Variants in ATG7 observed in about 807,000 individuals in gnomAD.
The protein encoded by ATG7 is autophagy related 7.
ATG7 carries 70 observed loss-of-function variants against 82.4 expected under a neutral mutation model. That is an observed-to-expected ratio of 0.85 (90% CI 0.70 to 1.04). ATG7 has a LOEUF of 1.04. ATG7 is among the 50% of genes least tolerant of loss of function. The pLI is 0.00. For synonymous variants in ATG7, 287 were observed against 313.0 expected, an observed-to-expected ratio of 0.92 and a Z score of 0.88; for missense variants, 792 against 864.3, an observed-to-expected ratio of 0.92 and a Z score of 1.05.
intron 3 of ATG7, among the ~76,000 whole-genome samples, chr3:11,289,027 C>T (rs1944537208): frequency 1.3e-5 from 2 of 152,190 alleles, no homozygotes; most frequent in Non-Finnish European, 2.9e-5. Flanking sequence ...TCTTGTGTAA[C>T]TCAGGATGTT....
At chr3:11,389,081 C>G (rs186559795) in intron 19 of ATG7, among the ~76,000 whole-genome samples, 31 of 151,888 alleles carry the variant, frequency 2.0e-4, no homozygotes, top group African/African-American at 6.3e-4. Context: ...AACCCTGTCT[C>G]TACTAAAAAT....
intron 20 of ATG7, among the ~76,000 whole-genome samples, chr3:11,456,604 A>G (rs1018904459): frequency 2.6e-5 from 4 of 152,294 alleles, no homozygotes; most frequent in Non-Finnish European, 4.4e-5. Flanking sequence ...TAACACTAAT[A>G]CACCTTGCCT....
At chr3:11,566,648 G>C in the ATG7 span, among the ~76,000 whole-genome samples, 697 of 152,256 alleles carry the variant, frequency 4.6e-3, 9 homozygotes, top group African/African-American at 0.016. Context: ...CTCTGCCTCT[G>C]TGGCTGTGTA....
chr3:11,273,888 A>G (rs1941082581), intron 1 of ATG7, among the ~76,000 whole-genome samples: 1 of 152,164 alleles, frequency 6.6e-6, no homozygotes, highest in African/African-American at 2.4e-5. Flanking sequence ...CTAGCTAGTC[A>G]GGGATGGCTT....
chr3:11,453,471 G>T (rs1426388902), intron 20 of ATG7, among the ~76,000 whole-genome samples: 1 of 152,200 alleles, frequency 6.6e-6, no homozygotes, highest in Non-Finnish European at 1.5e-5. Context: ...AGGATGTAAC[G>T]AGTGAGAGAG....
At chr3:11,473,984 C>T (rs1361084143) in intron 20 of ATG7, among the ~76,000 whole-genome samples, 1 of 152,306 alleles carries the variant, frequency 6.6e-6, no homozygotes, top group East Asian at 1.9e-4. Flanking sequence ...ACCAACTCTT[C>T]ATTATACATC....
intron 20 of ATG7, among the ~76,000 whole-genome samples, chr3:11,550,566 T>C (rs1220506383): frequency 6.6e-6 from 1 of 152,112 alleles, no homozygotes; most frequent in Non-Finnish European, 1.5e-5. Flanking sequence ...TGGCTCATTT[T>C]TAAAAAATTA....
intron 20 of ATG7, among the ~76,000 whole-genome samples, chr3:11,442,890 C>T (rs2084138191): frequency 6.6e-6 from 1 of 152,012 alleles, no homozygotes; most frequent in Non-Finnish European, 1.5e-5. Flanking sequence ...CACTTCACTC[C>T]AGCCTGGGCC....
chr3:11,320,031 C>T (rs141875569), intron 9 of ATG7, among the ~76,000 whole-genome samples: 5 of 152,316 alleles, frequency 3.3e-5, no homozygotes, highest in East Asian at 1.9e-4. Context: ...TTCTTTAATA[C>T]GGCCTACAAG....
intron 19 of ATG7, among the ~76,000 whole-genome samples, chr3:11,413,088 A>G (rs993894780): frequency 6.6e-6 from 1 of 152,100 alleles, no homozygotes; most frequent in Non-Finnish European, 1.5e-5. Context: ...GGTTTTGTAC[A>G]TGTAAAATCA....
intron 20 of ATG7, among the ~76,000 whole-genome samples, chr3:11,547,148 T>C (rs2071367964): frequency 6.6e-6 from 1 of 152,130 alleles, no homozygotes; most frequent in Admixed American, 6.5e-5. Context: ...TCCTTAATCG[T>C]CTTTAGAGGG....
intron 20 of ATG7, among the ~76,000 whole-genome samples, chr3:11,554,195 C>T (rs533733081): frequency 5.9e-5 from 9 of 152,334 alleles, no homozygotes; most frequent in South Asian, 2.1e-4. Context: ...GGCTCAGACT[C>T]GGAGGACACG....
At chr3:11,410,611 C>A (rs1181595331) in intron 19 of ATG7, among the ~76,000 whole-genome samples, 3 of 152,172 alleles carry the variant, frequency 2.0e-5, no homozygotes, top group Non-Finnish European at 4.4e-5. Flanking sequence ...TCTCTCCAGC[C>A]CTGCCAGCCA....
Position 11,298,856 on chromosome 3 carries a change from G to A in ATG7, c.160+1G>A, listed in dbSNP as rs1946354466. The A allele has an allele frequency of 3.1e-6, 5 of 1,613,982 alleles. No individual in the cohort carries two copies. Among genetic ancestry groups the A allele is most frequent in the Non-Finnish European group, 4.2e-6 (5 of 1,179,892 alleles). On this transcript the variant is annotated splice_donor_variant, in intron 4 of 20. Transcript: ENST00000693202. LOFTEE classifies it high-confidence loss of function. ...GACATTAAGGGTTATTACTACAATGGTAGGTGATTGTAAATTTCATTTTCC... is the reference window on the plus strand; with the variant it reads ...GACATTAAGGGTTATTACTACAATGATAGGTGATTGTAAATTTCATTTTCC...
intron 7 of ATG7, among the ~76,000 whole-genome samples, chr3:11,312,515 A>G (rs1473568630): frequency 1.3e-5 from 2 of 152,192 alleles, no homozygotes; most frequent in Non-Finnish European, 2.9e-5. Flanking sequence ...CATCCAGCTT[A>G]CTACTTAGAG....
rs571600039 is a variant in ATG7 at position 11,372,033 on chromosome 3, C to T, written c.1875+7299C>T. Among the ~76,000 whole-genome samples, 33 of 151,572 alleles carry T rather than the reference C, an allele frequency of 2.2e-4. 1 individual carries two copies. In the Middle Eastern group the frequency reaches 0.01, roughly 48 times the overall value. ...TATTCTGATGCTTTTTGCATGCTGTCTGCCGTGTTTTCATTCCCCACGGTG... is the reference window on the plus strand; with the variant it reads ...TATTCTGATGCTTTTTGCATGCTGTTTGCCGTGTTTTCATTCCCCACGGTG... On this transcript the variant is annotated intron_variant, in intron 18 of 20. Transcript: ENST00000693202.
At chr3:11,293,322 G>A (rs1441159058) in intron 3 of ATG7, among the ~76,000 whole-genome samples, 3 of 151,846 alleles carry the variant, frequency 2.0e-5, no homozygotes, top group Admixed American at 6.6e-5. Flanking sequence ...TTGAGGTCAG[G>A]AGTTTGAGAC....
chr3:11,326,156 A>G (rs762412804), intron 9 of ATG7, among the ~76,000 whole-genome samples: 1 of 152,188 alleles, frequency 6.6e-6, no homozygotes, highest in Non-Finnish European at 1.5e-5. Flanking sequence ...ATACCTGCTT[A>G]CTGTTAAGCA....
chr3:11,559,355 G>C (rs745461820), downstream of ATG7: 42 of 1,549,152 alleles, frequency 2.7e-5, no homozygotes, highest in Middle Eastern at 5.7e-4. Context: ...CCGGTAGCTG[G>C]CAGGCCCGGG....
Sources: gnomAD v4.1 joint callset for allele counts (sites outside exome capture counted in the v4.1 genomes callset) on GRCh38, gnomAD v4.1.1 for gene constraint, MANE v1.5 for transcripts, NCBI Gene and HGNC (gene_info 2026-07-23, HGNC 2026-07-21) for gene names.